LITAF: variants seen among roughly 807,000 people sequenced by gnomAD.
LITAF encodes lipopolysaccharide-induced tumor necrosis factor-alpha factor.
LITAF carries 9 observed loss-of-function variants against 14.5 expected under a neutral mutation model. The ratio of observed to expected loss-of-function variants is 0.62; its 90% CI spans 0.37 to 1.08. LITAF has a LOEUF of 1.08. Among genes scored for constraint, LITAF ranks in the 50% least tolerant of loss-of-function variants. LITAF has a pLI of 0.01. For missense variants in LITAF, 206 were observed against 213.4 expected (o/e 0.97, Z 0.22); for synonymous variants, 98 against 88.2 (o/e 1.11, Z -0.62).
chr16:11,553,500 G>A lies in LITAF; in HGVS notation c.377+33C>T, dbSNP rs1700728818. On this transcript the variant is annotated intron_variant, in intron 3 of 3. Transcript: ENST00000622633. The surrounding 1 kb of genome is among the most constrained non-coding windows in gnomAD (Gnocchi z 7.7). ...CGCCAGCACCCAGAGAGAAGGGCAG[G>A]ATGGCTTGGGGCCAAGTGGGAGGCA... The A allele has an allele frequency of 6.2e-7, 1 of 1,612,976 alleles. No individual in the cohort carries two copies. Among genetic ancestry groups the A allele is most frequent in the Non-Finnish European group, 8.5e-7 (1 of 1,179,686 alleles).
intron 3 of LITAF, among the ~76,000 whole-genome samples, chr16:11,613,834 GC>G (rs2064999086): frequency 1.3e-5 from 2 of 152,192 alleles, no homozygotes; most frequent in African/African-American, 4.8e-5. Context: ...TACTCCGAGA[GC>G]CGGCCTCACC....
rs1280707437 is a variant in LITAF at position 11,580,548 on chromosome 16, G to A, written c.-6+6338C>T. Among the ~76,000 whole-genome samples, 3 of 152,238 alleles carry A rather than the reference G, an allele frequency of 2.0e-5. No homozygotes were observed. The East Asian group carries it at 5.8e-4, about 29-fold the overall frequency. On this transcript the variant is annotated intron_variant, in intron 1 of 3. Coordinates refer to ENST00000622633, the MANE Select transcript of LITAF (RefSeq NM_001136472.2). ...TGGTATTACAGGCGTGAGCCACCGT[G>A]CCTGGCTGGAAGATCTTAACTTAGG...
In LITAF at chr16:11,556,446, A is replaced by G. The variant is rs371932015; in HGVS notation, c.220+65T>C. On this transcript the variant is annotated intron_variant, in intron 2 of 3. Transcript: ENST00000622633. Reference sequence around the variant, plus strand: ...ACTCTTTGGCAGAGTCACTTCGGTCACTCTCCTGATTCCCAGGGTGGAGGG... The same window carrying G: ...ACTCTTTGGCAGAGTCACTTCGGTCGCTCTCCTGATTCCCAGGGTGGAGGG... 9.5e-4 allele frequency: 1,357 copies of G among 1,422,026 alleles called. 18 individuals carry two copies. In the South Asian group the frequency reaches 0.011, roughly 11 times the overall value. The allele number at this position is 1,422,026 out of a possible 1,614,324, so 88.1% of individuals were successfully genotyped here.
At chr16:11,592,164 C>T (rs2064850900), upstream of LITAF, among the ~76,000 whole-genome samples, 1 of 152,126 alleles carries the variant, frequency 6.6e-6, no homozygotes, top group African/African-American at 2.4e-5. Context: ...AAAAAGACAA[C>T]CCACAGAAGA....
intron 3 of LITAF, among the ~76,000 whole-genome samples, chr16:11,631,396 C>T (rs2065117128): frequency 6.6e-6 from 1 of 152,066 alleles, no homozygotes; most frequent in Non-Finnish European, 1.5e-5. Context: ...CTGCACATGG[C>T]TTTTTGTTGT....
At chr16:11,623,337 G>A (rs1217746241) in intron 3 of LITAF, among the ~76,000 whole-genome samples, 1 of 152,026 alleles carries the variant, frequency 6.6e-6, no homozygotes, top group Non-Finnish European at 1.5e-5. Context: ...CTTCAGGCAT[G>A]GCTGAATCCA....
At position 11,556,306 on chromosome 16, in the gene LITAF, A is replaced by T. The variant is rs1311159258; in HGVS notation, c.220+205T>A. ...ATATGATGACCATGGGAAAGATCCT[A>T]AACCATACTTTATTACGGAAAAGCT... On this transcript the variant is annotated intron_variant, in intron 2 of 3. Transcript: ENST00000622633. 4 of 596,722 alleles carry T rather than the reference A, an allele frequency of 6.7e-6. No individual in the cohort carries two copies. In the African/African-American group the frequency reaches 7.4e-5, roughly 11 times the overall value. 37.0% of individuals were successfully genotyped at this position (596,722 alleles called of 1,614,324 possible).
chr16:11,554,787 C>CAAA (rs56346206), intron 2 of LITAF, among the ~76,000 whole-genome samples: 18 of 64,478 alleles, frequency 2.8e-4, no homozygotes, highest in African/African-American at 4.8e-4. Flanking sequence ...GACTCTACCT[C>CAAA]AAAAAAAAAA....
intron 3 of LITAF, among the ~76,000 whole-genome samples, chr16:11,618,105 G>T (rs545284258): frequency 2.0e-5 from 3 of 152,194 alleles, no homozygotes; most frequent in African/African-American, 7.2e-5. Context: ...CAAACTCCTG[G>T]GCTCAAGTGA....
chr16:11,615,840 G>A (rs547051591), intron 3 of LITAF, among the ~76,000 whole-genome samples: 3 of 152,188 alleles, frequency 2.0e-5, no homozygotes, highest in South Asian at 4.2e-4. Context: ...TATGCTAATG[G>A]GATGACTCAA....
At chr16:11,606,904 G>T (rs1261136187) in intron 3 of LITAF, among the ~76,000 whole-genome samples, 2 of 152,192 alleles carry the variant, frequency 1.3e-5, no homozygotes, top group Admixed American at 1.3e-4. Context: ...TGGTCAGAGT[G>T]CTGGGATTAC....
upstream of LITAF, among the ~76,000 whole-genome samples, chr16:11,589,192 C>T (rs963799353): frequency 4.6e-5 from 7 of 152,064 alleles, no homozygotes; most frequent in South Asian, 4.1e-4. Flanking sequence ...AACTGGGCCA[C>T]GTGATCATCT....
upstream of LITAF, among the ~76,000 whole-genome samples, chr16:11,591,892 A>G (rs1337186537): frequency 1.3e-5 from 2 of 152,166 alleles, no homozygotes; most frequent in Non-Finnish European, 2.9e-5. Flanking sequence ...CCCAGCTGAG[A>G]GTCTTTCTGA....
Position 11,570,162 on chromosome 16 carries a change from T to C in LITAF, c.-5-13427A>G, listed in dbSNP as rs908710001. ...TCTACGGTGTGCAAATGGGGGTGAG[T>C]TGCCAAATTTCTCTCAGGTTTCCTC... is the stretch of plus-strand genomic sequence containing the variant. On this transcript the variant is annotated intron_variant, in intron 1 of 3. Transcript: ENST00000622633. 4.6e-5 allele frequency among the ~76,000 whole-genome samples: 7 copies of C among 151,908 alleles called. 1 individual carries two copies. In the South Asian group the frequency reaches 1.5e-3, roughly 32 times the overall value.
intron 1 of LITAF, among the ~76,000 whole-genome samples, chr16:11,568,825 A>T (rs1250263906): frequency 7.9e-5 from 12 of 151,932 alleles, no homozygotes; most frequent in African/African-American, 2.9e-4. Flanking sequence ...GACTACAGGC[A>T]TGCGCCACCA....
At chr16:11,630,716 C>G (rs1295502037) in intron 3 of LITAF, among the ~76,000 whole-genome samples, 1 of 151,810 alleles carries the variant, frequency 6.6e-6, no homozygotes, top group African/African-American at 2.4e-5. Flanking sequence ...ATAGCTGGGA[C>G]TACAGGCACC....
At chr16:11,566,669 T>C (rs973697711) in intron 1 of LITAF, among the ~76,000 whole-genome samples, 3 of 151,960 alleles carry the variant, frequency 2.0e-5, no homozygotes, top group African/African-American at 7.2e-5. Flanking sequence ...GAGGCTGAGA[T>C]AGGAGGATCC....
At chr16:11,565,492 C>G (rs1190797138) in intron 1 of LITAF, among the ~76,000 whole-genome samples, 1 of 152,034 alleles carries the variant, frequency 6.6e-6, no homozygotes, top group Non-Finnish European at 1.5e-5. Flanking sequence ...CTGGAAATCT[C>G]TAATCTTACT....
At chr16:11,587,256 T>C (rs1597361478), upstream of LITAF, 24 of 317,216 alleles carry the variant, frequency 7.6e-5, no homozygotes, top group Non-Finnish European at 1.2e-4. Flanking sequence ...TGGCCCTCCC[T>C]CCTGATTTGC....
Sources: gnomAD v4.1 joint callset for allele counts (sites outside exome capture counted in the v4.1 genomes callset) on GRCh38, gnomAD v4.1.1 for gene constraint, Gnocchi (gnomAD v3.1) non-coding constraint, MANE v1.5 for transcripts, NCBI Gene and HGNC (gene_info 2026-07-23, HGNC 2026-07-21) for gene names.